The following CHEK1 variants were observed in gnomAD, a reference collection of about 807,000 sequenced individuals.
CHEK1 encodes the protein checkpoint kinase 1.
Under a neutral mutation model 60.2 loss-of-function variants are expected in CHEK1, and 32 were observed. That is an observed-to-expected ratio of 0.53 (90% CI 0.40 to 0.71). The LOEUF is 0.71. CHEK1 is among the 30% of genes least tolerant of loss of function. The probability of loss-of-function intolerance (pLI) is 0.00; values close to 1 mark genes in which losing one functional copy is unlikely to be tolerated. For synonymous variants in CHEK1, 179 were observed against 187.2 expected (o/e 0.96, Z 0.36); for missense variants, 399 against 564.6 (o/e 0.71, Z 2.97).
At chr11:125,642,830 G>A (rs980227474) in intron 8 of CHEK1, 2 of 152,158 alleles carry the variant, frequency 1.3e-5, no homozygotes, top group Admixed American at 6.5e-5. Flanking sequence ...TTTTTTCTCT[G>A]AAATGGGAGG....
At position 125,644,275 on chromosome 11, in the gene CHEK1, G is replaced by GAA; in HGVS notation, c.1101+8_1101+9dup. ...CACCCCAGGATCCTCACAGGTGAGG[G>GAA]AATTTAATTTTTTAAAAGTAATGGC... On this transcript the variant is annotated splice_region_variant and intron_variant, in intron 10 of 12. Transcript: ENST00000438015. 1 of 1,596,166 alleles carries GAA rather than the reference G, an allele frequency of 6.3e-7. No individual in the cohort carries two copies. The highest frequency in any genetic ancestry group is 8.5e-7 in the Non-Finnish European group (1 of 1,175,146).
chr11:125,645,596 T>A (rs1456307447), intron 11 of CHEK1, among the ~76,000 whole-genome samples: 1 of 152,160 alleles, frequency 6.6e-6, no homozygotes, highest in Non-Finnish European at 1.5e-5. Flanking sequence ...TGTATATTAA[T>A]TAGGTAATGT....
chr11:125,643,687 A>G (rs1591408276), intron 8 of CHEK1, 105 bp from the exon 9 acceptor site: 1 of 771,254 alleles, frequency 1.3e-6, no homozygotes, highest in Non-Finnish European at 2.0e-6. Context: ...TGTTAAATAA[A>G]TAGATTTAGA....
intron 6 of CHEK1, among the ~76,000 whole-genome samples, chr11:125,635,062 A>T (rs917701264): frequency 1.3e-5 from 2 of 151,612 alleles, no homozygotes; most frequent in African/African-American, 2.4e-5. Context: ...GGTTCAAGTG[A>T]TCCTCTCACT....
chr11:125,661,440 T>C (rs140047971), downstream of CHEK1, among the ~76,000 whole-genome samples: 11,606 of 152,242 alleles, frequency 0.076, 519 homozygotes, highest in African/African-American at 0.12. Context: ...GCCTCCCCAG[T>C]AGCTGGGATT....
intron 11 of CHEK1, among the ~76,000 whole-genome samples, chr11:125,648,236 A>G (rs776066864): frequency 6.6e-6 from 1 of 152,076 alleles, no homozygotes; most frequent in African/African-American, 2.4e-5. Flanking sequence ...TGCTGAATTC[A>G]TTAACTCCAG....
At position 125,625,863 on chromosome 11, in the gene CHEK1, C is replaced by G. The variant is rs544839853; in HGVS notation, c.-170C>G. On this transcript the variant is annotated 5_prime_UTR_variant, in exon 1 of 13. Transcript: ENST00000438015. ...CATCTCCACGTCACCCTTTTGGAGC[C>G]GCCGACATTCAGAGGGGCAGGACAC... 1.4e-6 allele frequency: 1 copy of G among 702,640 alleles called. No individual in the cohort carries two copies. Among genetic ancestry groups the G allele is most frequent in the Admixed American group, 2.0e-5 (1 of 50,028 alleles). 43.5% of individuals were successfully genotyped at this position (702,640 alleles called of 1,614,324 possible).
chr11:125,678,869 G>A (rs954671687), downstream of CHEK1, among the ~76,000 whole-genome samples: 2 of 150,816 alleles, frequency 1.3e-5, no homozygotes, highest in African/African-American at 4.9e-5. Context: ...CCTGTATTTG[G>A]TAATGTCAAG....
At chr11:125,646,299 G>C (rs1294917152) in intron 11 of CHEK1, among the ~76,000 whole-genome samples, 1 of 152,110 alleles carries the variant, frequency 6.6e-6, no homozygotes, top group Non-Finnish European at 1.5e-5. Context: ...GCATCTATCA[G>C]TACTTTATTC....
downstream of CHEK1, chr11:125,678,216 G>T: frequency 1.2e-6 from 2 of 1,614,170 alleles, no homozygotes; most frequent in Non-Finnish European, 1.7e-6. Context: ...GTTTTCAAGT[G>T]AAAAGAACTC....
intron 8 of CHEK1, among the ~76,000 whole-genome samples, chr11:125,638,461 C>T (rs1366985885): frequency 6.6e-6 from 1 of 152,078 alleles, no homozygotes; most frequent in Non-Finnish European, 1.5e-5. Context: ...GAATGAAAAA[C>T]ATTCAGAGAG....
intron 7 of CHEK1, 118 bp from the exon 8 acceptor site, chr11:125,637,331 T>C (rs1203249821): frequency 4.6e-6 from 3 of 658,572 alleles, no homozygotes; most frequent in Non-Finnish European, 7.2e-6. Context: ...ATTCTTTCTC[T>C]TCCCCAGGAA....
intron 11 of CHEK1, among the ~76,000 whole-genome samples, chr11:125,650,987 A>C (rs1941704113): frequency 6.6e-6 from 1 of 152,160 alleles, no homozygotes; most frequent in Non-Finnish European, 1.5e-5. Flanking sequence ...GGGCACATGT[A>C]GAGCTTAGGG....
chr11:125,679,072 C>G (rs1486107994), downstream of CHEK1, among the ~76,000 whole-genome samples: 2 of 146,722 alleles, frequency 1.4e-5, no homozygotes, highest in Non-Finnish European at 3.0e-5. Flanking sequence ...GTCCTGAGTA[C>G]TTAATAAGAT....
chr11:125,678,500 A>G (rs1003644457), downstream of CHEK1, among the ~76,000 whole-genome samples: 2 of 152,168 alleles, frequency 1.3e-5, no homozygotes, highest in Non-Finnish European at 2.9e-5. Context: ...AGTGAAACAA[A>G]CAGAGGCCAC....
chr11:125,644,379 T>C, intron 10 of CHEK1, 111 bp downstream of exon 10: 1 of 1,452,306 alleles, frequency 6.9e-7, no homozygotes, highest in Non-Finnish European at 9.3e-7. Context: ...TCACATGTAT[T>C]CTTTTTTGGT....
chr11:125,659,353 T>C (rs980633267), downstream of CHEK1, among the ~76,000 whole-genome samples: 10 of 152,138 alleles, frequency 6.6e-5, no homozygotes, highest in African/African-American at 2.4e-4. Flanking sequence ...AAGTCTAGAT[T>C]TGTGGGTTTG....
In CHEK1 at chr11:125,627,846, A is replaced by C; in HGVS notation, c.289+16A>C. The C allele has an allele frequency of 1.3e-6, 2 of 1,496,916 alleles. No individual in the cohort carries two copies. Among genetic ancestry groups the C allele is most frequent in the Non-Finnish European group, 1.8e-6 (2 of 1,112,508 alleles). 92.7% of individuals were successfully genotyped at this position (1,496,916 alleles called of 1,614,324 possible). A position where few individuals can be genotyped will look rare whatever the true frequency, so the allele number is the denominator to read the frequency against. Reference sequence around the variant, plus strand: ...GACAGAATAGGTATGGAAGAAATTTAAGATAATTATTTTAAACAAGTTTTT... The same window carrying C: ...GACAGAATAGGTATGGAAGAAATTTCAGATAATTATTTTAAACAAGTTTTT... On this transcript the variant is annotated intron_variant, in intron 3 of 12. Coordinates refer to ENST00000438015, the MANE Select transcript of CHEK1 (RefSeq NM_001114122.3).
At chr11:125,638,780 A>T (rs1051409227) in intron 8 of CHEK1, among the ~76,000 whole-genome samples, 1 of 152,210 alleles carries the variant, frequency 6.6e-6, no homozygotes, top group Non-Finnish European at 1.5e-5. Context: ...ACAGTCTGCA[A>T]AATGACTCTT....
Sources: gnomAD v4.1 joint callset for allele counts (sites outside exome capture counted in the v4.1 genomes callset) on GRCh38, gnomAD v4.1.1 for gene constraint, MANE v1.5 for transcripts, NCBI Gene and HGNC (gene_info 2026-07-23, HGNC 2026-07-21) for gene names.